TBX4: variants seen among roughly 807,000 people sequenced by gnomAD.
The protein encoded by TBX4 is T-box transcription factor 4, also known as T-box transcription factor TBX4.
In TBX4, 13 loss-of-function variants were observed where a neutral mutation model predicts 54.6. That is an observed-to-expected ratio of 0.24 (90% confidence interval 0.15 to 0.38). TBX4 has a LOEUF of 0.38. Among genes scored for constraint, TBX4 ranks in the 10% least tolerant of loss-of-function variants. TBX4 has a pLI of 1.00. For missense variants in TBX4, 631 were observed against 728.5 expected, an observed-to-expected ratio of 0.87 and a Z score of 1.54; for synonymous variants, 314 against 306.7, an observed-to-expected ratio of 1.02 and a Z score of -0.25.
At chr17:61,477,607 C>A (rs969924880) in intron 5 of TBX4, among the ~76,000 whole-genome samples, 1 of 152,188 alleles carries the variant, frequency 6.6e-6, no homozygotes, top group African/African-American at 2.4e-5. Context: ...ATTTGGGTCT[C>A]CCCAGCACAC....
At chr17:61,467,898 T>C (rs1448434208) in intron 5 of TBX4, among the ~76,000 whole-genome samples, 1 of 152,200 alleles carries the variant, frequency 6.6e-6, no homozygotes, top group Non-Finnish European at 1.5e-5. Context: ...AGCCTCACTT[T>C]CCTTGTCTAG....
Position 61,468,028 on chromosome 17 carries a change from G to A in TBX4, c.549+371G>A, listed in dbSNP as rs1301637764. Among the ~76,000 whole-genome samples the A allele has an allele frequency of 2.6e-5, 4 of 152,212 alleles. No homozygotes were observed. The East Asian group carries it at 5.8e-4, about 22-fold the overall frequency. On this transcript the variant is annotated intron_variant, in intron 5 of 8. Coordinates refer to ENST00000644296, the MANE Select transcript of TBX4 (RefSeq NM_001321120.2). ...TGGCAGCTATGATGATAAAGGTGAC[G>A]GGTCAGATCTCAGCTTCAGTTCCCC... is the stretch of plus-strand genomic sequence containing the variant.
At position 61,483,316 on chromosome 17, in the gene TBX4, T is replaced by A; in HGVS notation, c.1441T>A (p.Ser481Thr). 6.2e-7 allele frequency: 1 copy of A among 1,611,580 alleles called. No homozygotes were observed. Among genetic ancestry groups the A allele is most frequent in the Non-Finnish European group, 8.5e-7 (1 of 1,177,844 alleles). The change falls in exon 9 of 9, where the codon TCT becomes ACT. Residue 481 changes from serine to threonine, a missense_variant. Around this residue, in one of 3 missense-constraint regions of TBX4, gnomAD observed 354 missense variants for 368.9 expected, o/e 0.96. Transcript: ENST00000644296. The surrounding 1 kb of genome is among the most constrained non-coding windows in gnomAD (Gnocchi z 6.6). ...TAGTGTCTACAATCAGCTCTCCCAG[T>A]CTCAGGTCCGAGAGCGGGGGCCCAG... ...HFSVYNQLSQ[S>T]QVRERGPSAS...
In TBX4 at chr17:61,460,932, A is replaced by ATTGT. The variant is rs1398735499; in HGVS notation, c.281+3307_281+3310dup. On this transcript the variant is annotated intron_variant, in intron 3 of 8. Coordinates refer to ENST00000644296, the MANE Select transcript of TBX4 (RefSeq NM_001321120.2). This position sits in a 1 kb window ranked among gnomAD's most constrained non-coding sequence, Gnocchi z 4.4. ...CGATGAGAACTCCTGTTGAACCTGT[A>ATTGT]TTGTTTGTTATTCTGAGGCAAGGAT... Among the ~76,000 whole-genome samples the ATTGT allele has an allele frequency of 3.3e-5, 5 of 152,066 alleles. No homozygotes were observed. The highest frequency in any genetic ancestry group is 1.3e-4 in the Admixed American group (2 of 15,266).
At position 61,461,444 on chromosome 17, in the gene TBX4, T is replaced by G. The variant is rs762394850; in HGVS notation, c.281+3813T>G. Among the ~76,000 whole-genome samples, 15 of 152,096 alleles carry G rather than the reference T, an allele frequency of 9.9e-5. No individual in the cohort carries two copies. Among genetic ancestry groups the G allele is most frequent in the Non-Finnish European group, 1.6e-4 (11 of 68,020 alleles). ...TGGCCTCTTCCCCGTACACCCAGGATTCCTCCTGAAAAGCCCCCACGGACA... is the reference window on the plus strand; with the variant it reads ...TGGCCTCTTCCCCGTACACCCAGGAGTCCTCCTGAAAAGCCCCCACGGACA... On this transcript the variant is annotated intron_variant, in intron 3 of 8. Transcript: ENST00000644296. This position sits in a 1 kb window ranked among gnomAD's most constrained non-coding sequence, Gnocchi z 5.1.
At position 61,474,738 on chromosome 17, in the gene TBX4, A is replaced by AAT. The variant is rs2143845505; in HGVS notation, c.550-3885_550-3884dup. Among the ~76,000 whole-genome samples, 1 of 152,360 alleles carries AAT rather than the reference A, an allele frequency of 6.6e-6. No homozygotes were observed. The highest frequency in any genetic ancestry group is 1.9e-4 in the East Asian group (1 of 5,186). On this transcript the variant is annotated intron_variant, in intron 5 of 8. Transcript: ENST00000644296. The surrounding 1 kb of genome is among the most constrained non-coding windows in gnomAD (Gnocchi z 4.6). ...ATTTGGCCCCATATCCTCTGCAGCAAATATAAATGTGAAACTCTGGCAAAG... is the reference window on the plus strand; with the variant it reads ...ATTTGGCCCCATATCCTCTGCAGCAAATATATAAATGTGAAACTCTGGCAAAG...
chr17:61,456,409 G>A, intron 1 of TBX4, 79 bp from the exon 2 acceptor site: 1 of 1,527,750 alleles, frequency 6.5e-7, no homozygotes. Context: ...ACGAAGTCCC[G>A]GAATCGGCTG....
Position 61,484,837 on chromosome 17 carries a change from T to G in TBX4, c.*1321T>G, listed in dbSNP as rs2060692037. 1 of 148,330 alleles carries G rather than the reference T, an allele frequency of 6.7e-6. No individual in the cohort carries two copies. Among genetic ancestry groups the G allele is most frequent in the Admixed American group, 6.7e-5 (1 of 14,832 alleles). 9.2% of individuals were successfully genotyped at this position (148,330 alleles called of 1,614,324 possible). ...CTTTGCTTTCTACAAATGAATGAAC[T>G]TAATAAAAATAAACGTTGGAGGGGG... On this transcript the variant is annotated 3_prime_UTR_variant, in exon 9 of 9. Transcript: ENST00000644296. This position sits in a 1 kb window ranked among gnomAD's most constrained non-coding sequence, Gnocchi z 4.1.
At chr17:61,469,691 A>G (rs1466160646) in intron 5 of TBX4, among the ~76,000 whole-genome samples, 1 of 152,150 alleles carries the variant, frequency 6.6e-6, no homozygotes, top group African/African-American at 2.4e-5. Context: ...TCACCTATTT[A>G]GAGAACCCTT....
chr17:61,453,649 G>A (rs1445410500), intron 1 of TBX4, among the ~76,000 whole-genome samples: 3 of 152,142 alleles, frequency 2.0e-5, no homozygotes, highest in Non-Finnish European at 4.4e-5. Flanking sequence ...ATATTACAAA[G>A]TATGACAAAA....
intron 5 of TBX4, among the ~76,000 whole-genome samples, chr17:61,473,691 A>T (rs939547333): frequency 6.6e-6 from 1 of 152,214 alleles, no homozygotes; most frequent in Non-Finnish European, 1.5e-5. Context: ...CGGCTGTCTG[A>T]TGCTGGGCAA....
rs559084047 is a variant in TBX4 at position 61,462,287 on chromosome 17, G to A, written c.282-3532G>A. On this transcript the variant is annotated intron_variant, in intron 3 of 8. Transcript: ENST00000644296. The surrounding 1 kb of genome is among the most constrained non-coding windows in gnomAD (Gnocchi z 4.5). ...AAGCCCCGGGCTTTCATCTCCTCCC[G>A]GGCCGGCGAGCAGGCGGCTTGTTTA... 1.2e-3 allele frequency among the ~76,000 whole-genome samples: 187 copies of A among 152,296 alleles called. No individual in the cohort carries two copies. Among genetic ancestry groups the A allele is most frequent in the Non-Finnish European group, 1.5e-3 (102 of 68,046 alleles).
rs1435813882 is a variant in TBX4 at position 61,462,272 on chromosome 17, C to T, written c.282-3547C>T. 1.3e-5 allele frequency among the ~76,000 whole-genome samples: 2 copies of T among 152,156 alleles called. No homozygotes were observed. The highest frequency in any genetic ancestry group is 4.8e-5 in the African/African-American group (2 of 41,450). On this transcript the variant is annotated intron_variant, in intron 3 of 8. Coordinates refer to ENST00000644296, the MANE Select transcript of TBX4 (RefSeq NM_001321120.2). The surrounding 1 kb of genome is among the most constrained non-coding windows in gnomAD (Gnocchi z 4.5). ...TCATGATCAGAGGAGAAGCCCCGGG[C>T]TTTCATCTCCTCCCGGGCCGGCGAG...
Position 61,462,209 on chromosome 17 carries a change from G to A in TBX4, c.282-3610G>A, listed in dbSNP as rs1036166627. On this transcript the variant is annotated intron_variant, in intron 3 of 8. Coordinates refer to ENST00000644296, the MANE Select transcript of TBX4 (RefSeq NM_001321120.2). This position sits in a 1 kb window ranked among gnomAD's most constrained non-coding sequence, Gnocchi z 4.5. Reference sequence around the variant, plus strand: ...CTAAAGCCATTTCCGAGTATGAATAGATAAAGGCTCCAGCTCCGCACCCTT... The same window carrying A: ...CTAAAGCCATTTCCGAGTATGAATAAATAAAGGCTCCAGCTCCGCACCCTT... Among the ~76,000 whole-genome samples the A allele has an allele frequency of 6.6e-6, 1 of 152,166 alleles. No homozygotes were observed. Among genetic ancestry groups the A allele is most frequent in the Non-Finnish European group, 1.5e-5 (1 of 68,040 alleles).
In TBX4 at chr17:61,480,101, C is replaced by T. The variant is rs2060652785; in HGVS notation, c.803C>T (p.Pro268Leu). The change falls in exon 8 of 9, where the codon CCC becomes CTC. Residue 268 changes from proline (P) to leucine (L), a missense_variant. This residue lies in a region of TBX4 where 354 missense variants were observed against 368.9 expected (regional missense o/e 0.96). Transcript: ENST00000644296. The surrounding 1 kb of genome is among the most constrained non-coding windows in gnomAD (Gnocchi z 6.2). ...RVARLQSKEY[P>L]VISKSIMRQR... ...CCCCACCCCTTCAGCAAAGAATACC[C>T]CGTGATTTCCAAAAGCATCATGAGG... 1.2e-6 allele frequency: 2 copies of T among 1,613,970 alleles called. No homozygotes were observed. The highest frequency in any genetic ancestry group is 1.7e-5 in the Admixed American group (1 of 60,004).
chr17:61,456,496 G>T lies in TBX4; in HGVS notation c.6G>T (p.Leu2=). 6.4e-7 allele frequency: 1 copy of T among 1,569,474 alleles called. No homozygotes were observed. The highest frequency in any genetic ancestry group is 8.6e-7 in the Non-Finnish European group (1 of 1,157,716). Residue 2 remains leucine, a synonymous_variant, in exon 2 of 9, where the codon CTG becomes CTT. Transcript: ENST00000644296. M[L]QDKGLSESEE... is the part of the protein sequence containing the mutation. ...GTGTGCTGTGCCCGCAGGAGATGCT[G>T]CAGGATAAGGGCCTGTCCGAGAGCG... is the stretch of plus-strand genomic sequence containing the variant.
At position 61,483,659 on chromosome 17, in the gene TBX4, C is replaced by G. The variant is rs149034024; in HGVS notation, c.*143C>G. 1.6e-6 allele frequency: 1 copy of G among 608,326 alleles called. No homozygotes were observed. The highest frequency in any genetic ancestry group is 3.1e-5 in the Admixed American group (1 of 32,182). The allele number at this position is 608,326 out of a possible 1,614,324, so 37.7% of individuals were successfully genotyped here. ...GTGTGTGTGTGTGTGTGTGTATACA[C>G]GAGCATGTATGTATTTGGAGAGCAT... On this transcript the variant is annotated 3_prime_UTR_variant, in exon 9 of 9. Transcript: ENST00000644296. This position sits in a 1 kb window ranked among gnomAD's most constrained non-coding sequence, Gnocchi z 6.6.
chr17:61,483,303 T>A lies in TBX4; in HGVS notation c.1428T>A (p.Asn476Lys), dbSNP rs1242531773. The change falls in exon 9 of 9, where the codon AAT (asparagine) becomes AAA (lysine). Residue 476 changes from asparagine to lysine, a missense_variant. By Grantham distance (94) the Asn-to-Lys change is moderately conservative. Around this residue, in one of 3 missense-constraint regions of TBX4, gnomAD observed 354 missense variants for 368.9 expected, o/e 0.96. Transcript: ENST00000644296. The surrounding 1 kb of genome is among the most constrained non-coding windows in gnomAD (Gnocchi z 6.6). The stretch of plus-strand genomic sequence containing the variant: ...GAAATGCCCACTTTAGTGTCTACAA[T>A]CAGCTCTCCCAGTCTCAGGTCCGAG... ...PPGNAHFSVY[N>K]QLSQSQVRER... 1 of 1,612,978 alleles carries A rather than the reference T, an allele frequency of 6.2e-7. No individual in the cohort carries two copies. Among genetic ancestry groups the A allele is most frequent in the Non-Finnish European group, 8.5e-7 (1 of 1,179,036 alleles).
chr17:61,457,760 G>T lies in TBX4; in HGVS notation c.281+129G>T. The stretch of plus-strand genomic sequence containing the variant: ...GGCCTCTCTGCCTCCTCGGGCGTCA[G>T]TGCCACCTCCCTTCGCAGCTTGGGA... On this transcript the variant is annotated intron_variant, in intron 3 of 8. Transcript: ENST00000644296. This position sits in a 1 kb window ranked among gnomAD's most constrained non-coding sequence, Gnocchi z 8.2. The T allele has an allele frequency of 1.2e-6, 1 of 847,840 alleles. No homozygotes were observed. The highest frequency in any genetic ancestry group is 1.6e-5 in the South Asian group (1 of 62,776). 52.5% of individuals were successfully genotyped at this position (847,840 alleles called of 1,614,324 possible).
Sources: gnomAD v4.1 joint callset for allele counts (sites outside exome capture counted in the v4.1 genomes callset) on GRCh38, gnomAD v4.1.1 for gene constraint, gnomAD v4.1.1 regional missense constraint, Gnocchi (gnomAD v3.1) non-coding constraint, MANE v1.5 for transcripts, NCBI Gene and HGNC (gene_info 2026-07-23, HGNC 2026-07-21) for gene names.